The following KALRN variants were observed in gnomAD, a reference collection of about 807,000 sequenced individuals.
The protein encoded by KALRN is kalirin.
In KALRN, 70 loss-of-function variants were observed where a neutral mutation model predicts 353.7. That is an observed-to-expected ratio of 0.20 (90% confidence interval 0.16 to 0.24). The LOEUF is 0.24. Among genes scored for constraint, KALRN ranks in the 10% least tolerant of loss-of-function variants. The probability of loss-of-function intolerance (pLI) is 1.00; values close to 1 mark genes in which losing one functional copy is unlikely to be tolerated. For synonymous variants in KALRN, 1,391 were observed against 1,434.8 expected (o/e 0.97, Z 0.69); for missense variants, 2,791 against 3,756.7 (o/e 0.74, Z 6.72).
intron 1 of KALRN, among the ~76,000 whole-genome samples, chr3:124,142,757 C>G (rs900174010): frequency 2.6e-5 from 4 of 152,106 alleles, no homozygotes; most frequent in African/African-American, 7.2e-5. Context: ...ATCTCCACCC[C>G]CCACCCACTC....
chr3:124,626,036 G>A (rs2173851), intron 34 of KALRN, among the ~76,000 whole-genome samples: 53,678 of 151,866 alleles, frequency 0.35, 10,941 homozygotes, highest in African/African-American at 0.56. Context: ...AGCTGAGATC[G>A]CGCCATTGCA....
At chr3:124,627,413 A>G (rs2080079785) in intron 34 of KALRN, among the ~76,000 whole-genome samples, 3 of 152,274 alleles carry the variant, frequency 2.0e-5, no homozygotes, top group African/African-American at 7.2e-5. Context: ...GCAAAGAAGC[A>G]GAAGTAAATG....
At chr3:124,223,487 G>C (rs1336832540) in intron 1 of KALRN, among the ~76,000 whole-genome samples, 1 of 152,130 alleles carries the variant, frequency 6.6e-6, no homozygotes, top group Non-Finnish European at 1.5e-5. Flanking sequence ...CCCACTTGAA[G>C]CAACATTAGA....
intron 1 of KALRN, among the ~76,000 whole-genome samples, chr3:124,174,653 G>A (rs1177140322): frequency 6.6e-6 from 1 of 152,202 alleles, no homozygotes; most frequent in African/African-American, 2.4e-5. Context: ...GAGGGCATAA[G>A]TGCAGGATTC....
At chr3:124,696,035 T>C (rs2062034771) in intron 53 of KALRN, 99 bp from the exon 54 acceptor site, 6 of 1,281,404 alleles carry the variant, frequency 4.7e-6, no homozygotes, top group Non-Finnish European at 6.6e-6. Flanking sequence ...GCCTGAGGAC[T>C]CTCAGCTCAG....
intron 25 of KALRN, among the ~76,000 whole-genome samples, chr3:124,464,175 G>A (rs1449053667): frequency 6.6e-5 from 10 of 152,116 alleles, no homozygotes; most frequent in Non-Finnish European, 1.2e-4. Flanking sequence ...ACGGTAAGTC[G>A]TGTTACCTTA....
intron 5 of KALRN, among the ~76,000 whole-genome samples, chr3:124,270,372 A>G (rs1432204967): frequency 6.6e-6 from 1 of 152,210 alleles, no homozygotes; most frequent in Non-Finnish European, 1.5e-5. Context: ...GTGTGATCCC[A>G]ATTTATGTAT....
At chr3:124,564,071 GGCGCACGCCT>G (rs2072424902) in intron 34 of KALRN, among the ~76,000 whole-genome samples, 2 of 151,146 alleles carry the variant, frequency 1.3e-5, no homozygotes, top group African/African-American at 4.9e-5. Flanking sequence ...CGGGCATGGT[GGCGCACGCCT>G]GTAGTCCCAG....
intron 1 of KALRN, among the ~76,000 whole-genome samples, chr3:124,170,830 T>C (rs2071666482): frequency 9.0e-6 from 1 of 110,832 alleles, no homozygotes; most frequent in Non-Finnish European, 1.8e-5. Flanking sequence ...ACTTCCACAT[T>C]CTTTTTTTTT....
At chr3:124,545,036 T>C (rs2069476933) in intron 33 of KALRN, among the ~76,000 whole-genome samples, 1 of 152,166 alleles carries the variant, frequency 6.6e-6, no homozygotes, top group Non-Finnish European at 1.5e-5. Flanking sequence ...AGGATTTTGT[T>C]GTACACAAAG....
chr3:124,351,871 C>T (rs1187751376), intron 10 of KALRN, among the ~76,000 whole-genome samples: 1 of 152,200 alleles, frequency 6.6e-6, no homozygotes. Context: ...TCAGTTCATC[C>T]TGCAGATGGC....
chr3:124,555,851 C>T (rs183702247), intron 33 of KALRN, among the ~76,000 whole-genome samples: 27 of 152,266 alleles, frequency 1.8e-4, no homozygotes, highest in African/African-American at 6.3e-4. Context: ...TCTTCTGTAT[C>T]TTACATAGGA....
At chr3:124,590,415 C>T (rs899734127) in intron 34 of KALRN, among the ~76,000 whole-genome samples, 1 of 151,984 alleles carries the variant, frequency 6.6e-6, no homozygotes. Flanking sequence ...ATAAAAGGTG[C>T]AAATTATGAC....
chr3:124,395,369 G>T, intron 12 of KALRN, 26 bp downstream of exon 12: 1 of 1,583,252 alleles, frequency 6.3e-7, no homozygotes, highest in South Asian at 1.1e-5. Flanking sequence ...GCTTTCCAGT[G>T]GGAAATGCCT....
chr3:124,282,435 T>C (rs889565780), intron 5 of KALRN, among the ~76,000 whole-genome samples: 4 of 149,050 alleles, frequency 2.7e-5, no homozygotes, highest in South Asian at 4.3e-4. Context: ...CTGAGTGCAA[T>C]GGCACAATCT....
intron 19 of KALRN, among the ~76,000 whole-genome samples, chr3:124,444,316 C>A (rs1399951603): frequency 2.0e-5 from 3 of 152,184 alleles, no homozygotes; most frequent in African/African-American, 4.8e-5. Context: ...GTACAAGGAG[C>A]AAAGTCAAGT....
At chr3:124,192,519 G>C (rs867485802) in intron 1 of KALRN, among the ~76,000 whole-genome samples, 10 of 152,076 alleles carry the variant, frequency 6.6e-5, no homozygotes, top group Non-Finnish European at 7.3e-5. Context: ...TTAAAATAAA[G>C]AATATAATTG....
At chr3:124,034,419 C>A (rs1358145847) in intron 1 of KALRN, among the ~76,000 whole-genome samples, 1 of 152,122 alleles carries the variant, frequency 6.6e-6, no homozygotes, top group Non-Finnish European at 1.5e-5. Context: ...CGCCTCGGAC[C>A]TCCCCCTTGT....
intron 1 of KALRN, among the ~76,000 whole-genome samples, chr3:124,202,152 G>A (rs2075995980): frequency 1.3e-5 from 2 of 152,270 alleles, no homozygotes; most frequent in African/African-American, 4.8e-5. Context: ...CTACATGGAA[G>A]TGATTTGGAA....
Sources: allele counts gnomAD v4.1 joint callset (sites outside exome capture counted in the v4.1 genomes callset), GRCh38; gene constraint gnomAD v4.1.1; transcripts MANE v1.5; gene names NCBI Gene and HGNC (gene_info 2026-07-23, HGNC 2026-07-21).